The following PRKN variants were observed in gnomAD, a reference collection of about 807,000 sequenced individuals.
The protein encoded by PRKN is parkin RBR E3 ubiquitin protein ligase, also known as E3 ubiquitin-protein ligase parkin.
A neutral mutation model predicts 59.5 loss-of-function variants in PRKN; 56 were observed. That is an observed-to-expected ratio of 0.94 (90% confidence interval 0.76 to 1.18). The LOEUF is 1.18. PRKN is among the 50% of genes most tolerant of loss of function. The pLI, the probability that PRKN is intolerant of heterozygous loss-of-function variation, is 0.00. For synonymous variants in PRKN, 250 were observed against 222.1 expected, an observed-to-expected ratio of 1.13 and a Z score of -1.12; for missense variants, 657 against 596.4, an observed-to-expected ratio of 1.10 and a Z score of -1.06.
At chr6:161,522,649 C>A (rs1423325690) in intron 9 of PRKN, among the ~76,000 whole-genome samples, 1 of 152,238 alleles carries the variant, frequency 6.6e-6, no homozygotes, top group Admixed American at 6.5e-5. Context: ...TTCTCACTGT[C>A]TTGAGGCTAG....
At chr6:161,971,128 C>T (rs1042574232) in intron 6 of PRKN, among the ~76,000 whole-genome samples, 1 of 150,978 alleles carries the variant, frequency 6.6e-6, no homozygotes, top group Admixed American at 6.6e-5. Context: ...TTTATAAATT[C>T]TCCCAAAGGC....
intron 5 of PRKN, among the ~76,000 whole-genome samples, chr6:161,988,026 T>C (rs1781498204): frequency 6.6e-6 from 1 of 152,116 alleles, no homozygotes; most frequent in Non-Finnish European, 1.5e-5. Context: ...AGAACAATTC[T>C]CAGGCGATGG....
At chr6:161,984,877 G>C (rs1781379519) in intron 5 of PRKN, among the ~76,000 whole-genome samples, 1 of 152,194 alleles carries the variant, frequency 6.6e-6, no homozygotes. Context: ...CTGAGAGTGA[G>C]CAGGAGGACC....
chr6:161,680,763 ATATATATATATATTTT>A (rs1456464136), intron 7 of PRKN, among the ~76,000 whole-genome samples: 9 of 10,162 alleles, frequency 8.9e-4, no homozygotes, highest in South Asian at 5.6e-3. Context: ...ATATATATAT[ATATATATATATATTTT>A]TTTTTTTTTT....
chr6:162,064,175 T>A (rs1394033671), intron 4 of PRKN, among the ~76,000 whole-genome samples: 1 of 152,180 alleles, frequency 6.6e-6, no homozygotes. Flanking sequence ...AAGTATGTAT[T>A]ATATGATTCC....
chr6:162,044,113 G>A (rs958822701), intron 5 of PRKN, among the ~76,000 whole-genome samples: 1 of 152,132 alleles, frequency 6.6e-6, no homozygotes, highest in Non-Finnish European at 1.5e-5. Context: ...AGAAAAAATT[G>A]TACAAAATAA....
intron 5 of PRKN, among the ~76,000 whole-genome samples, chr6:162,009,564 G>A (rs373739103): frequency 4.0e-5 from 6 of 151,894 alleles, no homozygotes; most frequent in Admixed American, 2.0e-4. Context: ...ACACAGACTC[G>A]GAGGTTTTTT....
At chr6:161,515,458 A>G (rs151178684) in intron 9 of PRKN, among the ~76,000 whole-genome samples, 50 of 152,316 alleles carry the variant, frequency 3.3e-4, no homozygotes, top group African/African-American at 9.6e-4. Context: ...TTAGAGATGA[A>G]TCTTAATTTT....
chr6:162,448,401 C>A (rs533798508), intron 1 of PRKN, among the ~76,000 whole-genome samples: 312 of 152,180 alleles, frequency 2.1e-3, no homozygotes, highest in Non-Finnish European at 3.4e-3. Flanking sequence ...GTCTCCATTT[C>A]TTTATTTTAT....
intron 2 of PRKN, among the ~76,000 whole-genome samples, chr6:162,380,413 A>G (rs1489413186): frequency 7.3e-6 from 1 of 136,652 alleles, no homozygotes; most frequent in Non-Finnish European, 1.6e-5. Context: ...ATATATATAT[A>G]CACACATATA....
chr6:162,274,009 A>C (rs1780499542), intron 2 of PRKN, among the ~76,000 whole-genome samples: 1 of 152,122 alleles, frequency 6.6e-6, no homozygotes, highest in African/African-American at 2.4e-5. Context: ...CCATTAGAGG[A>C]ACTGAAAAAT....
At chr6:162,143,773 G>A (rs1223856342) in intron 4 of PRKN, among the ~76,000 whole-genome samples, 1 of 152,194 alleles carries the variant, frequency 6.6e-6, no homozygotes, top group Admixed American at 6.5e-5. Context: ...TAGAGGTGAT[G>A]AAGCTTGAAT....
At chr6:162,032,195 C>T (rs928846336) in intron 5 of PRKN, among the ~76,000 whole-genome samples, 3 of 152,164 alleles carry the variant, frequency 2.0e-5, no homozygotes, top group African/African-American at 7.2e-5. Flanking sequence ...TCTCCCCTTA[C>T]AATATCCATC....
chr6:162,592,297 C>T (rs1012151185), intron 1 of PRKN, among the ~76,000 whole-genome samples: 2 of 152,274 alleles, frequency 1.3e-5, no homozygotes, highest in East Asian at 3.9e-4. Flanking sequence ...GGCCCAGGAC[C>T]TCATTCTTGT....
chr6:161,504,196 T>C (rs1385351204), intron 9 of PRKN, among the ~76,000 whole-genome samples: 1 of 152,182 alleles, frequency 6.6e-6, no homozygotes, highest in Non-Finnish European at 1.5e-5. Context: ...GCTGGAAGGA[T>C]GGGCTGAACC....
intron 6 of PRKN, among the ~76,000 whole-genome samples, chr6:161,844,720 G>A (rs1007840032): frequency 1.3e-5 from 2 of 152,240 alleles, no homozygotes; most frequent in Non-Finnish European, 2.9e-5. Context: ...AGAGGTTGAG[G>A]AAATGTCAAT....
intron 2 of PRKN, among the ~76,000 whole-genome samples, chr6:162,391,085 C>A (rs1259149304): frequency 6.6e-6 from 1 of 152,170 alleles, no homozygotes; most frequent in Non-Finnish European, 1.5e-5. Flanking sequence ...ACTATTTTAG[C>A]TGGCCACAGA....
chr6:162,437,075 G>A (rs1353413318), intron 2 of PRKN, among the ~76,000 whole-genome samples: 1 of 149,128 alleles, frequency 6.7e-6, no homozygotes, highest in Non-Finnish European at 1.5e-5. Flanking sequence ...CTGGGCGACA[G>A]AGCGAGACTC....
At position 161,387,751 on chromosome 6, in the gene PRKN, G is replaced by C. The variant is rs73606913; in HGVS notation, c.1084-874C>G. 9.0e-3 allele frequency among the ~76,000 whole-genome samples: 1,366 copies of C among 152,316 alleles called. 22 individuals are homozygous for C. Among genetic ancestry groups the C allele is most frequent in the African/African-American group, 0.031 (1,275 of 41,566 alleles). On this transcript the variant is annotated intron_variant, in intron 9 of 11. Coordinates refer to ENST00000366898, the MANE Select transcript of PRKN (RefSeq NM_004562.3). Reference sequence around the variant, plus strand: ...GGCTGAACCGTGCCCCCACATAATGGATAGGTGGAAGCAGGACCTCAGAAA... The same window carrying C: ...GGCTGAACCGTGCCCCCACATAATGCATAGGTGGAAGCAGGACCTCAGAAA...
Sources: gnomAD v4.1 joint callset for allele counts (sites outside exome capture counted in the v4.1 genomes callset) on GRCh38, gnomAD v4.1.1 for gene constraint, MANE v1.5 for transcripts, NCBI Gene and HGNC (gene_info 2026-07-23, HGNC 2026-07-21) for gene names.